TRIP4: variants seen among roughly 807,000 people sequenced by gnomAD.
TRIP4 encodes the protein thyroid hormone receptor interactor 4.
Under a neutral mutation model 81.8 loss-of-function variants are expected in TRIP4, and 54 were observed. That is an observed-to-expected ratio of 0.66 (90% CI 0.53 to 0.83). TRIP4 has a LOEUF of 0.83. Ranked by LOEUF, TRIP4 falls within the 40% of genes least tolerant of loss-of-function variation. The probability of loss-of-function intolerance (pLI) is 0.00; values close to 1 mark genes in which losing one functional copy is unlikely to be tolerated. For synonymous variants in TRIP4, 270 were observed against 242.8 expected, an observed-to-expected ratio of 1.11 and a Z score of -1.04; for missense variants, 662 against 683.6, an observed-to-expected ratio of 0.97 and a Z score of 0.35.
Position 64,455,206 on chromosome 15 carries a change from A to C in TRIP4, c.*142A>C. On this transcript the variant is annotated 3_prime_UTR_variant, in exon 13 of 13. Transcript: ENST00000261884. ...TCTCAGAACTTAAACTCTTACCAAA[A>C]TCTGTATATTTTTCTTAAGGAGTGG... The C allele has an allele frequency of 1.7e-6, 1 of 601,838 alleles. No homozygotes were observed. Among genetic ancestry groups the C allele is most frequent in the Non-Finnish European group, 2.7e-6 (1 of 365,224 alleles). 37.3% of individuals were successfully genotyped at this position (601,838 alleles called of 1,614,324 possible).
At chr15:64,392,771 T>TG (rs1040238593) in intron 1 of TRIP4, among the ~76,000 whole-genome samples, 24 of 152,092 alleles carry the variant, frequency 1.6e-4, no homozygotes, top group Admixed American at 8.5e-4. Flanking sequence ...CATGCCTCCA[T>TG]GCCTGGCTAA....
At chr15:64,452,839 C>G (rs1223475936) in intron 12 of TRIP4, among the ~76,000 whole-genome samples, 1 of 152,046 alleles carries the variant, frequency 6.6e-6, no homozygotes, top group East Asian at 1.9e-4. Flanking sequence ...ACAAGAGTGA[C>G]TAGGTAACAT....
At chr15:64,392,459 T>C (rs1900163175) in intron 1 of TRIP4, among the ~76,000 whole-genome samples, 1 of 152,116 alleles carries the variant, frequency 6.6e-6, no homozygotes, top group African/African-American at 2.4e-5. Context: ...TTCTAATCCA[T>C]AGTAATTAGA....
intron 3 of TRIP4, among the ~76,000 whole-genome samples, chr15:64,396,157 C>T (rs1263957264): frequency 6.6e-6 from 1 of 152,024 alleles, no homozygotes; most frequent in African/African-American, 2.4e-5. Context: ...AATCCACCCA[C>T]CTTGGCCTCC....
intron 12 of TRIP4, chr15:64,450,959 G>A (rs2140317577): frequency 4.5e-6 from 1 of 224,384 alleles, no homozygotes; most frequent in South Asian, 6.1e-5. Context: ...TTCTTATGAA[G>A]AATCTGAAAT....
At chr15:64,401,696 C>T (rs1891513542) in intron 5 of TRIP4, among the ~76,000 whole-genome samples, 1 of 152,122 alleles carries the variant, frequency 6.6e-6, no homozygotes, top group African/African-American at 2.4e-5. Context: ...TGTGACCATA[C>T]TTGTATAAAT....
chr15:64,453,609 T>A (rs1892820893), intron 12 of TRIP4, among the ~76,000 whole-genome samples: 1 of 152,230 alleles, frequency 6.6e-6, no homozygotes, highest in South Asian at 2.1e-4. Context: ...AAAGCCCTAA[T>A]TAAAATCAAC....
chr15:64,445,487 A>T (rs1368558382), intron 12 of TRIP4, among the ~76,000 whole-genome samples: 1 of 151,500 alleles, frequency 6.6e-6, no homozygotes, highest in Non-Finnish European at 1.5e-5. Context: ...AAAAAAAAAA[A>T]AAAAATTAGC....
chr15:64,409,527 A>G (rs1302660045), intron 6 of TRIP4, 86 bp from the exon 7 acceptor site: 2 of 1,301,500 alleles, frequency 1.5e-6, no homozygotes, highest in African/African-American at 2.9e-5. Context: ...TATTTGAGAT[A>G]TTAAGTTACC....
chr15:64,419,649 C>T (rs1189971455), intron 9 of TRIP4, among the ~76,000 whole-genome samples: 4 of 151,812 alleles, frequency 2.6e-5, no homozygotes, highest in South Asian at 2.1e-4. Context: ...TGAACCACCG[C>T]GCCTGGTGTG....
rs1388841270 is a variant in TRIP4, at chr15:64,397,760, G to A, written c.560G>A (p.Cys187Tyr). 1 of 1,614,254 alleles carries A rather than the reference G, an allele frequency of 6.2e-7. No individual in the cohort carries two copies. Among genetic ancestry groups the A allele is most frequent in the Non-Finnish European group, 8.5e-7 (1 of 1,180,052 alleles). ...AAGCTCATCAATAACTGTCTGATCT[G>A]TGGGCGCATTGTCTGTGAACAAGAA... is the stretch of plus-strand genomic sequence containing the variant. Reference protein sequence around the residue: ...KHKLINNCLICGRIVCEQEGS... With the variant: ...KHKLINNCLIYGRIVCEQEGS... Residue 187 changes from cysteine (C) to tyrosine (Y), a missense_variant, in exon 4 of 13, where the codon TGT (cysteine) becomes TAT (tyrosine). Physicochemically the swap from Cys to Tyr is radical, Grantham distance 194. Transcript: ENST00000261884.
At chr15:64,445,599 G>A (rs2140313660) in intron 12 of TRIP4, among the ~76,000 whole-genome samples, 1 of 150,244 alleles carries the variant, frequency 6.7e-6, no homozygotes, top group Middle Eastern at 3.4e-3. Context: ...AACCTGGGAG[G>A]CGGAGGTTAC....
chr15:64,430,643 T>C (rs2140304291), intron 11 of TRIP4, among the ~76,000 whole-genome samples: 1 of 152,348 alleles, frequency 6.6e-6, no homozygotes, highest in East Asian at 1.9e-4. Context: ...TGTGTTGTGT[T>C]TGTGCTATTT....
At chr15:64,443,828 C>T (rs1892568289) in intron 11 of TRIP4, among the ~76,000 whole-genome samples, 1 of 151,950 alleles carries the variant, frequency 6.6e-6, no homozygotes, top group Non-Finnish European at 1.5e-5. Flanking sequence ...TTGAGATCAG[C>T]CTGGGCAACA....
intron 5 of TRIP4, among the ~76,000 whole-genome samples, chr15:64,401,999 A>G (rs554440026): frequency 1.2e-4 from 18 of 152,336 alleles, no homozygotes; most frequent in Admixed American, 1.3e-4. Flanking sequence ...ATCCTAGAAT[A>G]GAAAAATGAC....
chr15:64,408,574 A>G (rs1891686723), intron 6 of TRIP4, among the ~76,000 whole-genome samples: 1 of 152,024 alleles, frequency 6.6e-6, no homozygotes, highest in Non-Finnish European at 1.5e-5. Flanking sequence ...AAATTTTTTT[A>G]TAATTCTAGC....
chr15:64,408,825 G>C (rs1028495693), intron 6 of TRIP4, among the ~76,000 whole-genome samples: 1 of 152,100 alleles, frequency 6.6e-6, no homozygotes, highest in Non-Finnish European at 1.5e-5. Flanking sequence ...AGGCCTAATT[G>C]TCATATTTTG....
chr15:64,389,826 C>T (rs1026532188), intron 1 of TRIP4, among the ~76,000 whole-genome samples: 1 of 149,974 alleles, frequency 6.7e-6, no homozygotes, highest in Non-Finnish European at 1.5e-5. Context: ...TTCCTCAGCC[C>T]GAGCAGCTGG....
chr15:64,418,620 A>C lies in TRIP4; in HGVS notation c.1250A>C (p.Gln417Pro). ...SGFGLEFNSFQHQLRIQDQEF... is the reference protein window; with the variant it reads ...SGFGLEFNSFPHQLRIQDQEF... ...TTTGGACTAGAGTTCAACTCATTTCAGCACCAGTTGCGAATCCAGGATCAA... is the reference window on the plus strand; with the variant it reads ...TTTGGACTAGAGTTCAACTCATTTCCGCACCAGTTGCGAATCCAGGATCAA... The change falls in exon 9 of 13, where the codon CAG (glutamine) becomes CCG (proline). Residue 417 changes from glutamine to proline, a missense_variant. Physicochemically the swap from Gln to Pro is moderately conservative, Grantham distance 76 (BLOSUM62 -1). Transcript: ENST00000261884. 6.2e-7 allele frequency: 1 copy of C among 1,613,908 alleles called. No individual in the cohort carries two copies. Among genetic ancestry groups the C allele is most frequent in the Non-Finnish European group, 8.5e-7 (1 of 1,180,034 alleles).
Sources: allele counts gnomAD v4.1 joint callset (sites outside exome capture counted in the v4.1 genomes callset), GRCh38; gene constraint gnomAD v4.1.1; transcripts MANE v1.5; gene names NCBI Gene and HGNC (gene_info 2026-07-23, HGNC 2026-07-21).